The following TRIM36 variants were observed in gnomAD, a reference collection of about 807,000 sequenced individuals.
TRIM36 encodes tripartite motif containing 36.
In TRIM36, 42 loss-of-function variants were observed where a neutral mutation model predicts 72.4. That is an observed-to-expected ratio of 0.58 (90% CI 0.45 to 0.75). TRIM36 has a LOEUF of 0.75. Ranked by LOEUF, TRIM36 falls within the 30% of genes least tolerant of loss-of-function variation. TRIM36 has a pLI of 0.00. For missense variants in TRIM36, 913 were observed against 857.1 expected, an observed-to-expected ratio of 1.07 and a Z score of -0.81; for synonymous variants, 315 against 282.8, an observed-to-expected ratio of 1.11 and a Z score of -1.14.
In TRIM36 at chr5:115,137,063, C is replaced by G. The variant is rs774133546; in HGVS notation, c.1147G>C (p.Asp383His). The change falls in exon 7 of 10, where the codon GAC becomes CAC. Residue 383 changes from aspartate to histidine, a missense_variant. Coordinates refer to ENST00000513154, the MANE Select transcript of TRIM36 (RefSeq NM_001300759.2). Reference sequence around the variant, plus strand: ...TGTTTAGAGGTATTAACAACATAGTCTTCAAAAGAAGTCTGAGCTGCAGGT... The same window carrying G: ...TGTTTAGAGGTATTAACAACATAGTGTTCAAAAGAAGTCTGAGCTGCAGGT... ...FRPAAQTSFE[D>H]YVVNTSKQTE... The G allele has an allele frequency of 2.5e-6, 4 of 1,611,762 alleles. No individual in the cohort carries two copies. The East Asian group carries it at 8.9e-5, about 36-fold the overall frequency.
At chr5:115,163,375 C>CTATAAAA in intron 2 of TRIM36, 143 bp downstream of exon 2, 1 of 661,042 alleles carries the variant, frequency 1.5e-6, no homozygotes, top group African/African-American at 1.8e-5. Context: ...GGGGGAGGCC[C>CTATAAAA]CTTTATAACT....
chr5:115,177,696 A>G, intron 1 of TRIM36: 6 of 1,613,240 alleles, frequency 3.7e-6, no homozygotes, highest in Non-Finnish European at 5.1e-6. Context: ...TTAGGAGCCT[A>G]CTCCAGACCA....
intron 8 of TRIM36, among the ~76,000 whole-genome samples, chr5:115,131,874 G>A (rs555753657): frequency 6.6e-6 from 1 of 152,266 alleles, no homozygotes; most frequent in Admixed American, 6.5e-5. Context: ...AGCCTCTGGG[G>A]AGAGGGGAAA....
At chr5:115,175,856 G>T (rs1220679526) in intron 1 of TRIM36, among the ~76,000 whole-genome samples, 1 of 152,128 alleles carries the variant, frequency 6.6e-6, no homozygotes, top group Non-Finnish European at 1.5e-5. Flanking sequence ...CGGATGCGGT[G>T]GCTCACCCCT....
chr5:115,149,919 C>T (rs565663000), intron 2 of TRIM36, among the ~76,000 whole-genome samples: 21 of 151,078 alleles, frequency 1.4e-4, no homozygotes, highest in South Asian at 1.0e-3. Flanking sequence ...CCACCACGCC[C>T]GGCTAATTTT....
chr5:115,153,339 C>CAATCCTAAA (rs61427907), intron 2 of TRIM36, among the ~76,000 whole-genome samples: 45,720 of 151,652 alleles, frequency 0.3, 6,941 homozygotes, highest in African/African-American at 0.34. Flanking sequence ...GAAAATATCA[C>CAATCCTAAA]AATCCTAAAC....
rs1755422848 is a variant in TRIM36, at chr5:115,177,992, G to A, written c.63+1983C>T. 6 of 1,065,094 alleles carry A rather than the reference G, an allele frequency of 5.6e-6. No individual in the cohort carries two copies. The East Asian group carries it at 1.5e-4, about 27-fold the overall frequency. The allele number at this position is 1,065,094 out of a possible 1,614,324, so 66.0% of individuals were successfully genotyped here. A position where few individuals can be genotyped will look rare whatever the true frequency, so the allele number is the denominator to read the frequency against. The stretch of plus-strand genomic sequence containing the variant: ...TGTGATGAACCCATTGGTATTCTGA[G>A]AGGGTTTTGTTTTTGTTTACCTGAC... On this transcript the variant is annotated intron_variant, in intron 1 of 9. Transcript: ENST00000282369.
At chr5:115,153,257 A>C (rs1337471814) in intron 2 of TRIM36, among the ~76,000 whole-genome samples, 1 of 152,228 alleles carries the variant, frequency 6.6e-6, no homozygotes, top group Non-Finnish European at 1.5e-5. Flanking sequence ...CAGACAAAAC[A>C]AACTTTAAAG....
chr5:115,163,349 T>C lies in TRIM36; in HGVS notation c.262+169A>G, dbSNP rs540539808. On this transcript the variant is annotated intron_variant, in intron 2 of 9. Transcript: ENST00000513154. ...ATGTATCAAAAGACGAGAGTTCATTTTGACATTTTAACAGTGGGGGAGGCC... is the reference window on the plus strand; with the variant it reads ...ATGTATCAAAAGACGAGAGTTCATTCTGACATTTTAACAGTGGGGGAGGCC... Among the ~76,000 whole-genome samples, 101 of 152,360 alleles carry C rather than the reference T, an allele frequency of 6.6e-4. 1 individual carries two copies. Among genetic ancestry groups the C allele is most frequent in the Non-Finnish European group, 1.2e-3 (83 of 68,026 alleles).
chr5:115,159,269 T>C (rs1453856927), intron 2 of TRIM36, among the ~76,000 whole-genome samples: 2 of 152,214 alleles, frequency 1.3e-5, no homozygotes, highest in Non-Finnish European at 2.9e-5. Context: ...TTTCAATACA[T>C]AAGAAAGCAT....
intron 1 of TRIM36, chr5:115,179,905 C>CCA: frequency 1.3e-6 from 2 of 1,502,194 alleles, no homozygotes; most frequent in Non-Finnish European, 1.8e-6. Context: ...ACACGGACGC[C>CCA]CACAGTGGCG....
chr5:115,141,421 C>G (rs1186006413), intron 4 of TRIM36, 47 bp from the exon 5 acceptor site: 18 of 1,414,774 alleles, frequency 1.3e-5, no homozygotes, highest in Non-Finnish European at 1.6e-5. Context: ...GGGAGTTTAG[C>G]AAAGACTTTG....
intron 2 of TRIM36, among the ~76,000 whole-genome samples, chr5:115,154,960 C>T (rs1299534922): frequency 4.0e-5 from 6 of 151,794 alleles, no homozygotes; most frequent in African/African-American, 1.2e-4. Context: ...CAGGCAGATC[C>T]CCTGAGGTCA....
intron 1 of TRIM36, among the ~76,000 whole-genome samples, chr5:115,167,964 G>A (rs1754881333): frequency 6.6e-6 from 1 of 152,194 alleles, no homozygotes; most frequent in African/African-American, 2.4e-5. Flanking sequence ...AGGGAAGCAA[G>A]CACGTTTTAC....
intron 8 of TRIM36, 64 bp downstream of exon 8, chr5:115,133,796 T>C (rs1752812099): frequency 2.7e-6 from 4 of 1,491,302 alleles, no homozygotes; most frequent in Non-Finnish European, 3.6e-6. Flanking sequence ...TACTGACTAG[T>C]TTATTTTATC....
At chr5:115,155,631 C>T (rs1754136436) in intron 2 of TRIM36, among the ~76,000 whole-genome samples, 1 of 152,154 alleles carries the variant, frequency 6.6e-6, no homozygotes, top group Admixed American at 6.5e-5. Flanking sequence ...ATGATTAAAA[C>T]TCTCAGCAAA....
intron 6 of TRIM36, 88 bp from the exon 7 acceptor site, chr5:115,137,212 A>G: frequency 1.4e-6 from 2 of 1,478,750 alleles, no homozygotes; most frequent in Non-Finnish European, 1.8e-6. Flanking sequence ...AATAAAACCC[A>G]CACTTCACTC....
intron 8 of TRIM36, 124 bp from the exon 9 acceptor site, chr5:115,131,013 AC>A: frequency 9.3e-7 from 1 of 1,072,196 alleles, no homozygotes; most frequent in East Asian, 2.6e-5. Context: ...GTGTCACACT[AC>A]CCCGGACAAC....
intron 2 of TRIM36, among the ~76,000 whole-genome samples, chr5:115,155,728 G>A (rs1211875454): frequency 3.3e-5 from 5 of 152,132 alleles, no homozygotes; most frequent in Admixed American, 2.6e-4. Flanking sequence ...GGGAAGAGTT[G>A]AAAGCATTTC....
Sources: allele counts gnomAD v4.1 joint callset (sites outside exome capture counted in the v4.1 genomes callset), GRCh38; gene constraint gnomAD v4.1.1; transcripts MANE v1.5; gene names NCBI Gene and HGNC (gene_info 2026-07-23, HGNC 2026-07-21).